Variants in TG observed in about 807,000 individuals in gnomAD.
The protein encoded by TG is thyroglobulin, also known as thyroid hormones.
TG carries 270 observed loss-of-function variants against 324.7 expected under a neutral mutation model. The observed-to-expected ratio is 0.83, with a 90% CI of 0.75 to 0.92. TG has a LOEUF of 0.92. Ranked by LOEUF, TG falls within the 40% of genes least tolerant of loss-of-function variation. The pLI, the probability that TG is intolerant of heterozygous loss-of-function variation, is 0.00. For synonymous variants in TG, 1,401 were observed against 1,327.0 expected (o/e 1.06, Z -1.21); for missense variants, 3,591 against 3,456.4 (o/e 1.04, Z -0.98).
At chr8:133,102,207 C>T (rs976325373) in intron 43 of TG, among the ~76,000 whole-genome samples, 5 of 152,206 alleles carry the variant, frequency 3.3e-5, no homozygotes, top group Admixed American at 2.0e-4. Context: ...ATCTCTGAAC[C>T]ACCTCAGCTG....
chr8:133,024,302 G>T lies in TG; in HGVS notation c.7036+2152G>T, dbSNP rs888561928. ...TGTCTTTTGCATTCATTAGCCACAGGCCATTTTCTTTCTTTCTTTCTTTCT... is the reference window on the plus strand; with the variant it reads ...TGTCTTTTGCATTCATTAGCCACAGTCCATTTTCTTTCTTTCTTTCTTTCT... On this transcript the variant is annotated intron_variant, in intron 40 of 47. Coordinates refer to ENST00000220616, the MANE Select transcript of TG (RefSeq NM_003235.5). Among the ~76,000 whole-genome samples, 4 of 148,996 alleles carry T rather than the reference G, an allele frequency of 2.7e-5. No individual in the cohort carries two copies. In the East Asian group the frequency reaches 7.9e-4, roughly 29 times the overall value.
At chr8:133,011,837 A>G in intron 35 of TG, 64 bp from the exon 36 acceptor site, 1 of 1,612,164 alleles carries the variant, frequency 6.2e-7, no homozygotes. Context: ...TGGGTAATAC[A>G]CGGCTGTCTT....
chr8:133,112,524 G>C (rs1214598979), intron 43 of TG, among the ~76,000 whole-genome samples: 2 of 151,816 alleles, frequency 1.3e-5, no homozygotes, highest in Admixed American at 1.3e-4. Flanking sequence ...ACAGAGAGAG[G>C]GGGGAATTTC....
chr8:132,928,896 G>T lies in TG; in HGVS notation c.4700-180G>T, dbSNP rs543901574. On this transcript the variant is annotated intron_variant, in intron 22 of 47. Transcript: ENST00000220616. The stretch of plus-strand genomic sequence containing the variant: ...GAGAGCTGGTAAGTTGTAACTCTCA[G>T]TTTTAGATATGGAGCAGTATGTTGG... Among the ~76,000 whole-genome samples the T allele has an allele frequency of 3.9e-5, 6 of 152,326 alleles. No homozygotes were observed. The East Asian group carries it at 7.7e-4, about 20-fold the overall frequency.
chr8:132,939,886 G>A lies in TG; in HGVS notation c.5042-1465G>A, dbSNP rs376046343. Among the ~76,000 whole-genome samples the A allele has an allele frequency of 4.0e-4, 61 of 152,120 alleles. 1 individual carries two copies. Among genetic ancestry groups the A allele is most frequent in the African/African-American group, 1.4e-3 (58 of 41,522 alleles). ...GAGACGGGGTTTCACCATTTGGCCC[G>A]GCTAGTCTTGAACTCCTGACCTCAA... On this transcript the variant is annotated intron_variant, in intron 25 of 47. Coordinates refer to ENST00000220616, the MANE Select transcript of TG (RefSeq NM_003235.5).
rs555759939 is a variant in TG at position 133,105,392 on chromosome 8, C to T, written c.7573-8030C>T. On this transcript the variant is annotated intron_variant, in intron 43 of 47. Transcript: ENST00000220616. ...TCACTCAGGATGAAGATCGTAGGCACAGGCTACAGCAAAATGTAGGGGAAG... is the reference window on the plus strand; with the variant it reads ...TCACTCAGGATGAAGATCGTAGGCATAGGCTACAGCAAAATGTAGGGGAAG... 3.9e-5 allele frequency among the ~76,000 whole-genome samples: 6 copies of T among 152,154 alleles called. No individual in the cohort carries two copies. The South Asian group carries it at 1.0e-3, about 26-fold the overall frequency.
chr8:132,898,756 C>T, intron 13 of TG, 42 bp from the exon 14 acceptor site: 1 of 1,583,034 alleles, frequency 6.3e-7, no homozygotes, highest in East Asian at 2.2e-5. Flanking sequence ...TTTCTCTTGG[C>T]TCCCACGACC....
chr8:133,125,090 A>T (rs1851416999), intron 45 of TG, among the ~76,000 whole-genome samples: 1 of 152,194 alleles, frequency 6.6e-6, no homozygotes, highest in Non-Finnish European at 1.5e-5. Context: ...CTTCTTCAAC[A>T]TTGATTTGAC....
At chr8:133,003,336 G>T (rs1195862895) in intron 35 of TG, 1 of 151,184 alleles carries the variant, frequency 6.6e-6, no homozygotes, top group African/African-American at 2.4e-5. Flanking sequence ...TTTCTACTTA[G>T]TATCCATTAA....
At chr8:132,872,406 A>G (rs1839571347) in intron 4 of TG, among the ~76,000 whole-genome samples, 1 of 133,840 alleles carries the variant, frequency 7.5e-6, no homozygotes, top group African/African-American at 2.8e-5. Flanking sequence ...TGAACCCGGG[A>G]GGTGGAGCTT....
chr8:132,986,433 C>T (rs918180872), intron 35 of TG, among the ~76,000 whole-genome samples: 26 of 148,822 alleles, frequency 1.7e-4, no homozygotes, highest in African/African-American at 6.0e-4. Flanking sequence ...TATGTATCTC[C>T]AAATTGTTAC....
In TG at chr8:133,105,495, G is replaced by A. The variant is rs138776236; in HGVS notation, c.7573-7927G>A. On this transcript the variant is annotated intron_variant, in intron 43 of 47. Transcript: ENST00000220616. The stretch of plus-strand genomic sequence containing the variant: ...TTGAGGGCTGGTCTTAGTCACTAAG[G>A]ATAGGGAAATAGCAGGGGAAGAAGG... Among the ~76,000 whole-genome samples the A allele has an allele frequency of 3.3e-3, 497 of 152,284 alleles. 7 individuals are homozygous for A. The highest frequency in any genetic ancestry group is 0.011 in the African/African-American group (474 of 41,554).
chr8:133,056,792 G>A (rs908533633), intron 41 of TG, among the ~76,000 whole-genome samples: 1 of 152,172 alleles, frequency 6.6e-6, no homozygotes, highest in African/African-American at 2.4e-5. Flanking sequence ...AGACTAAGGA[G>A]ATAAACTCTT....
At chr8:132,977,679 T>C (rs1361482496) in intron 34 of TG, among the ~76,000 whole-genome samples, 3 of 152,086 alleles carry the variant, frequency 2.0e-5, no homozygotes, top group Admixed American at 6.5e-5. Context: ...TCAGATCTTG[T>C]GAGACCCATT....
chr8:133,053,734 C>T (rs984006683), intron 41 of TG, among the ~76,000 whole-genome samples: 1 of 152,190 alleles, frequency 6.6e-6, no homozygotes, highest in African/African-American at 2.4e-5. Flanking sequence ...AAGCAAAATC[C>T]CATTATAAAA....
chr8:133,113,452 A>G lies in TG; in HGVS notation c.7603A>G (p.Ser2535Gly). ...TGAGGAAAGTCGAGGCCGGACCAGT[A>G]GCAAAACAGCCTTTTACCAGGCACT... ...QFEESRGRTSSKTAFYQALQN... is the reference protein window; with the variant it reads ...QFEESRGRTSGKTAFYQALQN... Residue 2535 changes from serine to glycine, a missense_variant, in exon 44 of 48, where the codon AGC becomes GGC. By Grantham distance (56) the Ser-to-Gly change is moderately conservative. Transcript: ENST00000220616. 1 of 1,614,002 alleles carries G rather than the reference A, an allele frequency of 6.2e-7. No individual in the cohort carries two copies. Among genetic ancestry groups the G allele is most frequent in the South Asian group, 1.1e-5 (1 of 91,070 alleles).
chr8:133,102,458 C>T, intron 43 of TG: 1 of 1,095,274 alleles, frequency 9.1e-7, no homozygotes, highest in Non-Finnish European at 1.4e-6. Context: ...GTACAGGATC[C>T]ATCAAGTCCC....
At position 133,046,875 on chromosome 8, in the gene TG, C is replaced by G. The variant is rs373118835; in HGVS notation, c.7239+16852C>G. Among the ~76,000 whole-genome samples, 9 of 152,312 alleles carry G rather than the reference C, an allele frequency of 5.9e-5. 1 individual carries two copies. Among genetic ancestry groups the G allele is most frequent in the African/African-American group, 1.9e-4 (8 of 41,566 alleles). On this transcript the variant is annotated intron_variant, in intron 41 of 47. Transcript: ENST00000220616. Reference sequence around the variant, plus strand: ...CTGATGCTCATTTTGGTGAAGGGCTCTAGCACCAGGTGGCTTTGGCACTTA... The same window carrying G: ...CTGATGCTCATTTTGGTGAAGGGCTGTAGCACCAGGTGGCTTTGGCACTTA...
chr8:133,103,816 G>A (rs1330611142), intron 43 of TG, among the ~76,000 whole-genome samples: 1 of 152,174 alleles, frequency 6.6e-6, no homozygotes, highest in Non-Finnish European at 1.5e-5. Flanking sequence ...CTGTGCGCTG[G>A]ACTCTCTCTA....
Sources: allele counts gnomAD v4.1 joint callset (sites outside exome capture counted in the v4.1 genomes callset), GRCh38; gene constraint gnomAD v4.1.1; transcripts MANE v1.5; gene names NCBI Gene and HGNC (gene_info 2026-07-23, HGNC 2026-07-21).